The following PRKN variants were observed in gnomAD, a reference collection of about 807,000 sequenced individuals.
PRKN encodes E3 ubiquitin-protein ligase parkin.
Under a neutral mutation model 59.5 loss-of-function variants are expected in PRKN, and 56 were observed. That is an observed-to-expected ratio of 0.94 (90% CI 0.76 to 1.18). The LOEUF (loss-of-function observed/expected upper bound fraction) is 1.18, where lower values mean the gene tolerates loss of function less well. PRKN is among the 50% of genes most tolerant of loss of function. PRKN has a pLI of 0.00. For synonymous variants in PRKN, 250 were observed against 222.1 expected, an observed-to-expected ratio of 1.13 and a Z score of -1.12; for missense variants, 657 against 596.4, an observed-to-expected ratio of 1.10 and a Z score of -1.06.
intron 2 of PRKN, among the ~76,000 whole-genome samples, chr6:162,359,618 A>G (rs565401604): frequency 1.3e-5 from 2 of 151,912 alleles, no homozygotes; most frequent in Admixed American, 6.6e-5. Context: ...AAACATGGTT[A>G]TAAGTGATCT....
At chr6:162,321,407 C>T (rs925867873) in intron 2 of PRKN, among the ~76,000 whole-genome samples, 4 of 151,836 alleles carry the variant, frequency 2.6e-5, no homozygotes, top group Admixed American at 2.6e-4. Flanking sequence ...ACGAAGAAAA[C>T]TTTTAGGCCC....
intron 2 of PRKN, among the ~76,000 whole-genome samples, chr6:162,358,710 A>C (rs146849540): frequency 1.7e-4 from 26 of 152,170 alleles, no homozygotes; most frequent in African/African-American, 5.8e-4. Context: ...AGTGTCTCCT[A>C]TCCCTATCTT....
chr6:162,497,715 C>A (rs1793132298), intron 1 of PRKN, among the ~76,000 whole-genome samples: 1 of 152,132 alleles, frequency 6.6e-6, no homozygotes. Flanking sequence ...GCGAATGACA[C>A]AGTTTGAAAA....
rs984625592 is a variant in PRKN at position 161,473,487 on chromosome 6, A to T, written c.1083+75367T>A. Reference sequence around the variant, plus strand: ...AACTGAGCCAGACACAGGAAAAAGTACTGCATGATCTTACTTACATGTGGA... The same window carrying T: ...AACTGAGCCAGACACAGGAAAAAGTTCTGCATGATCTTACTTACATGTGGA... On this transcript the variant is annotated intron_variant, in intron 9 of 11. Coordinates refer to ENST00000366898, the MANE Select transcript of PRKN (RefSeq NM_004562.3). This position sits in a 1 kb window ranked among gnomAD's most constrained non-coding sequence, Gnocchi z 4.1. Among the ~76,000 whole-genome samples the T allele has an allele frequency of 6.6e-6, 1 of 151,944 alleles. No individual in the cohort carries two copies. Among genetic ancestry groups the T allele is most frequent in the Non-Finnish European group, 1.5e-5 (1 of 67,980 alleles).
chr6:162,613,734 C>T (rs1256192161), intron 1 of PRKN, among the ~76,000 whole-genome samples: 1 of 152,000 alleles, frequency 6.6e-6, no homozygotes, highest in East Asian at 1.9e-4. Context: ...AGTAGGTATC[C>T]ATTGTAAACA....
intron 9 of PRKN, among the ~76,000 whole-genome samples, chr6:161,398,773 A>T (rs1381360661): frequency 6.6e-6 from 1 of 152,108 alleles, no homozygotes; most frequent in Non-Finnish European, 1.5e-5. Context: ...TGTCCTGATC[A>T]TATGATGGAT....
At chr6:162,130,438 A>G (rs1781306237) in intron 4 of PRKN, among the ~76,000 whole-genome samples, 1 of 152,174 alleles carries the variant, frequency 6.6e-6, no homozygotes, top group South Asian at 2.1e-4. Flanking sequence ...TTCAAGGTTT[A>G]CAGAGCAGGT....
At chr6:161,801,753 C>T (rs1445413796) in intron 6 of PRKN, among the ~76,000 whole-genome samples, 1 of 152,166 alleles carries the variant, frequency 6.6e-6, no homozygotes, top group Non-Finnish European at 1.5e-5. Flanking sequence ...GCTCCAGCTG[C>T]TTCAGATGTG....
At chr6:162,640,774 G>A (rs935992859) in intron 1 of PRKN, among the ~76,000 whole-genome samples, 3 of 152,146 alleles carry the variant, frequency 2.0e-5, no homozygotes, top group Admixed American at 2.0e-4. Flanking sequence ...ACAATTCCCT[G>A]AAGGGGCAAT....
At chr6:162,105,302 TA>T (rs1450869370) in intron 4 of PRKN, among the ~76,000 whole-genome samples, 1 of 152,160 alleles carries the variant, frequency 6.6e-6, no homozygotes, top group East Asian at 1.9e-4. Context: ...AGAAATGCTA[TA>T]AACACAGCCA....
intron 1 of PRKN, among the ~76,000 whole-genome samples, chr6:162,722,134 A>G (rs1449502840): frequency 2.0e-5 from 3 of 152,184 alleles, no homozygotes; most frequent in Non-Finnish European, 4.4e-5. Flanking sequence ...CCCACAGGCA[A>G]TATATAGACA....
chr6:161,860,574 G>T (rs1387867045), intron 6 of PRKN, among the ~76,000 whole-genome samples: 1 of 152,094 alleles, frequency 6.6e-6, no homozygotes, highest in Non-Finnish European at 1.5e-5. Flanking sequence ...CATCTTCCTA[G>T]TTTTAAAACC....
At position 161,385,759 on chromosome 6, in the gene PRKN, T is replaced by C. The variant is rs1786213554; in HGVS notation, c.1167+1035A>G. Reference sequence around the variant, plus strand: ...CATTATTGCTTTTGCTGTCAGTACCTGGTAAGCTCGCGTTTGAATGTCCCT... The same window carrying C: ...CATTATTGCTTTTGCTGTCAGTACCCGGTAAGCTCGCGTTTGAATGTCCCT... On this transcript the variant is annotated intron_variant, in intron 10 of 11. Transcript: ENST00000366898. This position sits in a 1 kb window ranked among gnomAD's most constrained non-coding sequence, Gnocchi z 4.9. Among the ~76,000 whole-genome samples the C allele has an allele frequency of 6.6e-6, 1 of 152,186 alleles. No individual in the cohort carries two copies. The highest frequency in any genetic ancestry group is 2.4e-5 in the African/African-American group (1 of 41,438).
chr6:161,948,843 C>A (rs138160070), intron 6 of PRKN, among the ~76,000 whole-genome samples: 109 of 152,344 alleles, frequency 7.2e-4, no homozygotes, highest in Non-Finnish European at 1.1e-3. Flanking sequence ...CAACACAGAT[C>A]CTTCTGGCAG....
At chr6:162,578,238 T>C (rs986060794) in intron 1 of PRKN, among the ~76,000 whole-genome samples, 3 of 152,194 alleles carry the variant, frequency 2.0e-5, no homozygotes, top group African/African-American at 7.2e-5. Flanking sequence ...CAAAACTATG[T>C]GATATATACA....
intron 4 of PRKN, among the ~76,000 whole-genome samples, chr6:162,133,844 G>A (rs181417456): frequency 9.5e-4 from 145 of 152,184 alleles, no homozygotes; most frequent in Non-Finnish European, 1.7e-3. Flanking sequence ...TCTTGGAGTC[G>A]TTTTGAAGAG....
chr6:161,890,361 A>C (rs9355951), intron 6 of PRKN, among the ~76,000 whole-genome samples: 7 of 152,100 alleles, frequency 4.6e-5, no homozygotes, highest in African/African-American at 1.2e-4. Flanking sequence ...TTCAGTGTAC[A>C]GCAGCCCTGG....
At chr6:162,251,611 A>G (rs538668062) in intron 3 of PRKN, among the ~76,000 whole-genome samples, 2 of 152,250 alleles carry the variant, frequency 1.3e-5, no homozygotes, top group Non-Finnish European at 2.9e-5. Context: ...TATTCGAAAT[A>G]AAAATAAGTC....
intron 2 of PRKN, among the ~76,000 whole-genome samples, chr6:162,411,661 A>C (rs1583526593): frequency 6.6e-6 from 1 of 152,228 alleles, no homozygotes; most frequent in East Asian, 1.9e-4. Flanking sequence ...AATTACAATT[A>C]AGGATCAGGT....
Sources: allele counts gnomAD v4.1 joint callset (sites outside exome capture counted in the v4.1 genomes callset), GRCh38; gene constraint gnomAD v4.1.1; non-coding constraint Gnocchi (gnomAD v3.1); transcripts MANE v1.5; gene names NCBI Gene and HGNC (gene_info 2026-07-23, HGNC 2026-07-21).